The following IL33 variants were observed in gnomAD, a reference collection of about 807,000 sequenced individuals.
The protein encoded by IL33 is interleukin 33.
A neutral mutation model predicts 27.3 loss-of-function variants in IL33; 37 were observed. That is an observed-to-expected ratio of 1.36 (90% CI 1.04 to 1.78). IL33 has a LOEUF of 1.78. IL33 is among the 40% of genes most tolerant of loss of function. The pLI is 0.00. For synonymous variants in IL33, 132 were observed against 102.9 expected, an observed-to-expected ratio of 1.28 and a Z score of -1.71; for missense variants, 406 against 311.4, an observed-to-expected ratio of 1.30 and a Z score of -2.29.
At chr9:6,236,601 C>T (rs1587633370) in intron 1 of IL33, among the ~76,000 whole-genome samples, 1 of 152,340 alleles carries the variant, frequency 6.6e-6, no homozygotes, top group Middle Eastern at 3.4e-3. Flanking sequence ...GGTGCAGTGG[C>T]TCACGCCTGT....
At chr9:6,252,024 C>T (rs1001392566) in intron 4 of IL33, among the ~76,000 whole-genome samples, 3 of 138,986 alleles carry the variant, frequency 2.2e-5, no homozygotes, top group South Asian at 2.4e-4. Context: ...GCAACAAGAG[C>T]GGCTGTCTCA....
At chr9:6,255,776 A>G (rs1043882902) in intron 7 of IL33, among the ~76,000 whole-genome samples, 192 bp from the exon 8 acceptor site, 4 of 152,092 alleles carry the variant, frequency 2.6e-5, no homozygotes, top group Admixed American at 6.6e-5. Flanking sequence ...AGTGAATCAA[A>G]TCAAATCCAC....
intron 1 of IL33, among the ~76,000 whole-genome samples, chr9:6,239,174 G>T (rs1387907295): frequency 6.6e-6 from 1 of 152,184 alleles, no homozygotes; most frequent in Non-Finnish European, 1.5e-5. Flanking sequence ...GCACAAAAGA[G>T]TGCCTTCTGT....
chr9:6,255,822 C>A (rs752594722), intron 7 of IL33, 146 bp from the exon 8 acceptor site: 13 of 645,516 alleles, frequency 2.0e-5, no homozygotes, highest in Non-Finnish European at 3.5e-5. Context: ...ACTTCTCCCC[C>A]TCTTCCCTCC....
chr9:6,252,543 C>T (rs150491643), intron 4 of IL33, among the ~76,000 whole-genome samples: 1 of 152,260 alleles, frequency 6.6e-6, no homozygotes, highest in East Asian at 1.9e-4. Flanking sequence ...ACCACAGTCC[C>T]CAGACCAAGT....
chr9:6,254,507 C>A lies in IL33; in HGVS notation c.566C>A (p.Thr189Lys). The change falls in exon 7 of 8, where the codon ACA (threonine) becomes AAA (lysine). Residue 189 changes from threonine (T) to lysine (K), a missense_variant. Coordinates refer to ENST00000682010, the MANE Select transcript of IL33 (RefSeq NM_033439.4). ...GKMLMVTLSPTKDFWLHANNK... is the reference protein window; with the variant it reads ...GKMLMVTLSPKKDFWLHANNK... ...ATGTTAATGGTAACCCTGAGTCCTA[C>A]AAAAGACTTCTGGTTGCATGCCAAC... The A allele has an allele frequency of 6.3e-7, 1 of 1,596,154 alleles. No homozygotes were observed. The highest frequency in any genetic ancestry group is 8.6e-7 in the Non-Finnish European group (1 of 1,169,360).
In IL33 at chr9:6,256,552, A is replaced by C. The variant is rs1444744553; in HGVS notation, c.*384A>C. The C allele has an allele frequency of 2.8e-6, 1 of 351,128 alleles. No individual in the cohort carries two copies. Among genetic ancestry groups the C allele is most frequent in the Non-Finnish European group, 5.1e-6 (1 of 194,804 alleles). 21.8% of individuals were successfully genotyped at this position (351,128 alleles called of 1,614,324 possible). A position where few individuals can be genotyped will look rare whatever the true frequency, so the allele number is the denominator to read the frequency against. On this transcript the variant is annotated 3_prime_UTR_variant, in exon 8 of 8. Coordinates refer to ENST00000682010, the MANE Select transcript of IL33 (RefSeq NM_033439.4). ...CTATGTAGACAGGGATCCATTTTAA[A>C]GAGCTACTTAGAGAAATAATTTTCC...
chr9:6,225,772 G>A (rs569326193), intron 1 of IL33, among the ~76,000 whole-genome samples: 5 of 152,174 alleles, frequency 3.3e-5, no homozygotes, highest in African/African-American at 1.2e-4. Flanking sequence ...CCAGGGGCTA[G>A]AGTGCAGTGA....
chr9:6,243,734 G>A (rs1819665844), intron 2 of IL33, among the ~76,000 whole-genome samples: 1 of 152,180 alleles, frequency 6.6e-6, no homozygotes, highest in South Asian at 2.1e-4. Context: ...TTGGTGAACA[G>A]GAAAGAAAAT....
intron 1 of IL33, among the ~76,000 whole-genome samples, chr9:6,217,956 C>T (rs1818219752): frequency 6.8e-6 from 1 of 146,840 alleles, no homozygotes; most frequent in Admixed American, 6.8e-5. Flanking sequence ...ATACTGTTTC[C>T]AACAGTCTTA....
intron 1 of IL33, among the ~76,000 whole-genome samples, chr9:6,235,450 A>G (rs901921153): frequency 7.9e-5 from 12 of 152,224 alleles, no homozygotes; most frequent in South Asian, 2.1e-4. Flanking sequence ...TTTATTTATA[A>G]TCTTGGAAGA....
intron 1 of IL33, among the ~76,000 whole-genome samples, chr9:6,231,551 G>T (rs1343028204): frequency 1.3e-5 from 2 of 152,020 alleles, no homozygotes; most frequent in Non-Finnish European, 2.9e-5. Flanking sequence ...TTCTTTACCA[G>T]TCCAATTCTT....
intron 1 of IL33, among the ~76,000 whole-genome samples, chr9:6,232,615 C>A (rs1333924971): frequency 1.3e-5 from 2 of 152,132 alleles, no homozygotes; most frequent in Non-Finnish European, 2.9e-5. Flanking sequence ...AAACCCACTC[C>A]ATTTTCTTGT....
chr9:6,242,918 C>A (rs1819615964), intron 2 of IL33, among the ~76,000 whole-genome samples: 1 of 152,094 alleles, frequency 6.6e-6, no homozygotes, highest in Non-Finnish European at 1.5e-5. Flanking sequence ...GGAAGGGAAA[C>A]CAGTATGTGC....
At chr9:6,253,088 G>A (rs530213390) in intron 5 of IL33, 97 bp downstream of exon 5, 2 of 869,684 alleles carry the variant, frequency 2.3e-6, no homozygotes, top group South Asian at 3.9e-5. Flanking sequence ...GATTAACTTA[G>A]ACATGGCAAA....
At chr9:6,254,595 A>C in intron 7 of IL33, 42 bp downstream of exon 7, 1 of 1,214,458 alleles carries the variant, frequency 8.2e-7, no homozygotes, top group Non-Finnish European at 1.1e-6. Context: ...ATATGATTAC[A>C]GAACTGTCAT....
At chr9:6,239,541 C>T (rs1391100759) in intron 1 of IL33, among the ~76,000 whole-genome samples, 1 of 152,110 alleles carries the variant, frequency 6.6e-6, no homozygotes, top group Non-Finnish European at 1.5e-5. Flanking sequence ...ACCCCCTCCC[C>T]ACTAGCTCAT....
chr9:6,216,667 G>C (rs1222767927), intron 1 of IL33, among the ~76,000 whole-genome samples: 1 of 152,140 alleles, frequency 6.6e-6, no homozygotes. Flanking sequence ...AGAATCGCTT[G>C]AACCCAGGAG....
chr9:6,252,610 T>A (rs1816467851), intron 4 of IL33, among the ~76,000 whole-genome samples: 1 of 152,174 alleles, frequency 6.6e-6, no homozygotes, highest in Non-Finnish European at 1.5e-5. Context: ...ATTTTCTTTT[T>A]CCCCACCAAA....
Sources: gnomAD v4.1 joint callset for allele counts (sites outside exome capture counted in the v4.1 genomes callset) on GRCh38, gnomAD v4.1.1 for gene constraint, MANE v1.5 for transcripts, NCBI Gene and HGNC (gene_info 2026-07-23, HGNC 2026-07-21) for gene names.